The following CWC27 variants were observed in gnomAD, a reference collection of about 807,000 sequenced individuals.
The protein encoded by CWC27 is spliceosome-associated protein CWC27 homolog.
In CWC27, 47 loss-of-function variants were observed where a neutral mutation model predicts 63.6. The observed-to-expected ratio is 0.74, with a 90% CI of 0.58 to 0.94. The LOEUF (loss-of-function observed/expected upper bound fraction) is 0.94, where lower values mean the gene tolerates loss of function less well. Ranked by LOEUF, CWC27 falls within the 40% of genes least tolerant of loss-of-function variation. The pLI is 0.00. For missense variants in CWC27, 495 were observed against 554.3 expected, an observed-to-expected ratio of 0.89 and a Z score of 1.07; for synonymous variants, 175 against 179.8, an observed-to-expected ratio of 0.97 and a Z score of 0.22.
intron 11 of CWC27, among the ~76,000 whole-genome samples, chr5:64,920,406 T>TTA (rs1747974930): frequency 6.6e-6 from 1 of 152,242 alleles, no homozygotes; most frequent in African/African-American, 2.4e-5. Flanking sequence ...ACATCCATGT[T>TTA]TATCAGGGAT....
chr5:64,928,572 A>G (rs1427274578), intron 11 of CWC27, among the ~76,000 whole-genome samples: 1 of 149,792 alleles, frequency 6.7e-6, no homozygotes, highest in Non-Finnish European at 1.5e-5. Flanking sequence ...CAAGTGCACA[A>G]CAAAGTGTGA....
chr5:64,928,581 G>GACACAC (rs147833157), intron 11 of CWC27, among the ~76,000 whole-genome samples: 4,775 of 149,530 alleles, frequency 0.032, 256 homozygotes, highest in African/African-American at 0.11. Flanking sequence ...AACAAAGTGT[G>GACACAC]ACACACACAC....
chr5:64,795,755 C>G (rs960084080), intron 7 of CWC27, among the ~76,000 whole-genome samples: 3 of 152,078 alleles, frequency 2.0e-5, no homozygotes, highest in African/African-American at 7.2e-5. Context: ...TGCAAAGTCT[C>G]TTTTGCCATG....
intron 1 of CWC27, among the ~76,000 whole-genome samples, chr5:64,773,283 A>G (rs1450012362): frequency 1.3e-5 from 2 of 152,236 alleles, no homozygotes; most frequent in Non-Finnish European, 2.9e-5. Flanking sequence ...ACATTTAAAA[A>G]CTAGATGTGT....
intron 11 of CWC27, among the ~76,000 whole-genome samples, chr5:64,928,213 A>G (rs985378710): frequency 2.0e-5 from 3 of 151,178 alleles, no homozygotes; most frequent in Non-Finnish European, 4.4e-5. Flanking sequence ...CAGTCTGCAT[A>G]TTCCCTTAAG....
At chr5:64,881,987 A>T (rs923524808) in intron 10 of CWC27, among the ~76,000 whole-genome samples, 1 of 152,210 alleles carries the variant, frequency 6.6e-6, no homozygotes, top group African/African-American at 2.4e-5. Context: ...TAAATGGAAG[A>T]TGTGTTTGCT....
chr5:65,009,513 A>G (rs1418526146), intron 13 of CWC27, among the ~76,000 whole-genome samples: 1 of 152,218 alleles, frequency 6.6e-6, no homozygotes, highest in Admixed American at 6.5e-5. Context: ...TTGAAGCTCT[A>G]ACTGCCAATA....
In CWC27 at chr5:64,888,146, C is replaced by T. The variant is rs116817135; in HGVS notation, c.1042+2600C>T. On this transcript the variant is annotated intron_variant, in intron 11 of 13. Coordinates refer to ENST00000381070, the MANE Select transcript of CWC27 (RefSeq NM_005869.4). ...GATCAGCCGGAAGTATCTTGTGGTA[C>T]CAGAAAGTAAGAAAGTGCTCAAAGG... Among the ~76,000 whole-genome samples the T allele has an allele frequency of 9.0e-3, 1,355 of 151,396 alleles. 20 individuals carry two copies. Among genetic ancestry groups the T allele is most frequent in the Middle Eastern group, 0.031 (9 of 292 alleles).
intron 10 of CWC27, among the ~76,000 whole-genome samples, chr5:64,840,676 G>T (rs1401603520): frequency 6.6e-6 from 1 of 151,988 alleles, no homozygotes; most frequent in African/African-American, 2.4e-5. Context: ...CTTGTATTTT[G>T]TTGGGGAGCT....
intron 10 of CWC27, among the ~76,000 whole-genome samples, chr5:64,861,978 A>G (rs529552227): frequency 3.0e-4 from 46 of 152,350 alleles, no homozygotes; most frequent in Non-Finnish European, 6.5e-4. Flanking sequence ...TCTTGGTATG[A>G]GGATTTAAAA....
chr5:65,000,046 A>G (rs1749705635), intron 13 of CWC27, among the ~76,000 whole-genome samples: 1 of 152,026 alleles, frequency 6.6e-6, no homozygotes, highest in Non-Finnish European at 1.5e-5. Context: ...GGGTGAGATG[A>G]GATCTCACTG....
intron 10 of CWC27, among the ~76,000 whole-genome samples, chr5:64,884,582 A>C (rs1232425494): frequency 6.6e-6 from 1 of 152,184 alleles, no homozygotes; most frequent in Non-Finnish European, 1.5e-5. Flanking sequence ...TGGAGTGCCT[A>C]CTTGGGTTTA....
At chr5:64,788,321 A>G (rs1475283294) in intron 6 of CWC27, among the ~76,000 whole-genome samples, 2 of 146,886 alleles carry the variant, frequency 1.4e-5, no homozygotes, top group African/African-American at 5.2e-5. Context: ...GGCTTTGGGA[A>G]AAAAAAAAAT....
intron 10 of CWC27, among the ~76,000 whole-genome samples, chr5:64,849,757 T>C (rs1267141545): frequency 6.6e-6 from 1 of 152,128 alleles, no homozygotes; most frequent in Non-Finnish European, 1.5e-5. Flanking sequence ...CTCGTGATAG[T>C]GAGTTCTCAT....
chr5:64,804,129 A>T, intron 9 of CWC27, 100 bp from the exon 10 acceptor site: 1 of 1,019,442 alleles, frequency 9.8e-7, no homozygotes, highest in Non-Finnish European at 1.4e-6. Context: ...AAAAAAACCT[A>T]GTTTAGAATG....
At chr5:64,851,225 A>G (rs1746127049) in intron 10 of CWC27, among the ~76,000 whole-genome samples, 1 of 152,356 alleles carries the variant, frequency 6.6e-6, no homozygotes, top group African/African-American at 2.4e-5. Flanking sequence ...TCAGCTTTGC[A>G]AAAGAAGGAA....
In CWC27 at chr5:64,894,766, G is replaced by A. The variant is rs562321688; in HGVS notation, c.1042+9220G>A. On this transcript the variant is annotated intron_variant, in intron 11 of 13. Transcript: ENST00000381070. ...ACTAAGATAAGTTAGTGGAGCACTAGGTCAGGCTTTAACCCTAAGGACATT... is the reference window on the plus strand; with the variant it reads ...ACTAAGATAAGTTAGTGGAGCACTAAGTCAGGCTTTAACCCTAAGGACATT... 7.5e-4 allele frequency among the ~76,000 whole-genome samples: 114 copies of A among 152,196 alleles called. 1 individual carries two copies. Among genetic ancestry groups the A allele is most frequent in the Non-Finnish European group, 5.9e-4 (40 of 68,028 alleles).
At position 64,801,522 on chromosome 5, in the gene CWC27, C is replaced by T. The variant is rs558956136; in HGVS notation, c.780+190C>T. On this transcript the variant is annotated intron_variant, in intron 9 of 13. Coordinates refer to ENST00000381070, the MANE Select transcript of CWC27 (RefSeq NM_005869.4). ...ACTATTTCCTTACTCTAGGGGTGTG[C>T]GTGTGTGTGTGTGTATATCTCTCTA... is the stretch of plus-strand genomic sequence containing the variant. Among the ~76,000 whole-genome samples, 23 of 150,824 alleles carry T rather than the reference C, an allele frequency of 1.5e-4. No individual in the cohort carries two copies. The South Asian group carries it at 3.5e-3, about 23-fold the overall frequency.
At chr5:64,800,543 GA>G (rs1744453661) in intron 8 of CWC27, among the ~76,000 whole-genome samples, 3 of 152,178 alleles carry the variant, frequency 2.0e-5, no homozygotes, top group African/African-American at 7.2e-5. Flanking sequence ...TACCTCTGTT[GA>G]ATGAATTACA....
Sources: allele counts gnomAD v4.1 joint callset (sites outside exome capture counted in the v4.1 genomes callset), GRCh38; gene constraint gnomAD v4.1.1; transcripts MANE v1.5; gene names NCBI Gene and HGNC (gene_info 2026-07-23, HGNC 2026-07-21).